Variants in KSR2 observed in about 807,000 individuals in gnomAD.
KSR2 encodes the protein kinase suppressor of ras 2.
A neutral mutation model predicts 107.8 loss-of-function variants in KSR2; 25 were observed. The ratio of observed to expected loss-of-function variants is 0.23; its 90% CI spans 0.17 to 0.32. The LOEUF is 0.32. KSR2 is among the 10% of genes least tolerant of loss of function. The pLI is 1.00. For synonymous variants in KSR2, 480 were observed against 507.0 expected (o/e 0.95, Z 0.71); for missense variants, 887 against 1,268.9 (o/e 0.70, Z 4.57).
intron 1 of KSR2, among the ~76,000 whole-genome samples, chr12:117,905,121 G>T (rs1719592450): frequency 6.6e-6 from 1 of 152,202 alleles, no homozygotes; most frequent in Non-Finnish European, 1.5e-5. Flanking sequence ...GGCGGAGGTT[G>T]CAGTGAGCCA....
At chr12:117,473,923 T>C (rs1235352511) in intron 17 of KSR2, among the ~76,000 whole-genome samples, 1 of 152,198 alleles carries the variant, frequency 6.6e-6, no homozygotes, top group African/African-American at 2.4e-5. Context: ...ACATGGTATC[T>C]GCTTCCAAGG....
rs147672730 is a variant in KSR2, at chr12:117,795,447, C to A, written c.473-33923G>T. 5.2e-3 allele frequency among the ~76,000 whole-genome samples: 785 copies of A among 152,218 alleles called. 6 individuals are homozygous for A. Among genetic ancestry groups the A allele is most frequent in the African/African-American group, 0.017 (726 of 41,524 alleles). ...AACAGACTGGAATGCCAGAAGAGCACAAGATTCAGAGAAATGGCTCAGGAT... is the reference window on the plus strand; with the variant it reads ...AACAGACTGGAATGCCAGAAGAGCAAAAGATTCAGAGAAATGGCTCAGGAT... On this transcript the variant is annotated intron_variant, in intron 3 of 19. Transcript: ENST00000339824.
At chr12:117,731,990 T>A (rs1278214369) in intron 4 of KSR2, among the ~76,000 whole-genome samples, 2 of 149,710 alleles carry the variant, frequency 1.3e-5, no homozygotes, top group Non-Finnish European at 1.5e-5. Context: ...CCTATGACCC[T>A]GCCAAATCCC....
At chr12:117,664,964 A>G (rs928425001) in intron 5 of KSR2, among the ~76,000 whole-genome samples, 8 of 152,008 alleles carry the variant, frequency 5.3e-5, no homozygotes, top group Middle Eastern at 3.2e-3. Flanking sequence ...TCGTTTCCCA[A>G]ACGAACCTGC....
chr12:117,600,422 C>G (rs7135656), intron 5 of KSR2, among the ~76,000 whole-genome samples: 1,845 of 152,276 alleles, frequency 0.012, 37 homozygotes, highest in African/African-American at 0.043. Flanking sequence ...CCCCCATTTT[C>G]CACAGAGTTT....
At chr12:117,890,377 G>A (rs768016584) in intron 1 of KSR2, among the ~76,000 whole-genome samples, 15 of 152,188 alleles carry the variant, frequency 9.9e-5, no homozygotes, top group East Asian at 5.8e-4. Flanking sequence ...TGTCCACAGA[G>A]CACCAGATAG....
At chr12:117,865,045 GA>G (rs1893426133) in intron 1 of KSR2, among the ~76,000 whole-genome samples, 2 of 151,694 alleles carry the variant, frequency 1.3e-5, no homozygotes, top group Admixed American at 1.3e-4. Flanking sequence ...CTGGGTGACA[GA>G]ACGAGACTCC....
At chr12:117,546,781 A>G (rs7300668) in intron 9 of KSR2, among the ~76,000 whole-genome samples, 128 of 152,180 alleles carry the variant, frequency 8.4e-4, no homozygotes, top group African/African-American at 3.0e-3. Context: ...TTATCTGGTT[A>G]TTGTATTTTC....
At chr12:117,956,567 C>T (rs565583688) in intron 1 of KSR2, among the ~76,000 whole-genome samples, 77 of 151,996 alleles carry the variant, frequency 5.1e-4, no homozygotes, top group Non-Finnish European at 7.6e-4. Flanking sequence ...GACTTTGTCT[C>T]GCTAAAAAAT....
chr12:117,610,296 C>T (rs570840406), intron 5 of KSR2, among the ~76,000 whole-genome samples: 2 of 152,066 alleles, frequency 1.3e-5, no homozygotes. Flanking sequence ...CACGGATGCT[C>T]GCAAAGCTCT....
At chr12:117,793,092 ATGCACACTCACACCAACG>A (rs1392049275) in intron 3 of KSR2, among the ~76,000 whole-genome samples, 4 of 145,530 alleles carry the variant, frequency 2.7e-5, no homozygotes, top group Non-Finnish European at 6.0e-5. Context: ...TCACACCAAC[ATGCACACTCACACCAACG>A]TGCACACAAA....
At chr12:117,739,107 G>A (rs969583791) in intron 4 of KSR2, among the ~76,000 whole-genome samples, 1 of 152,224 alleles carries the variant, frequency 6.6e-6, no homozygotes, top group Non-Finnish European at 1.5e-5. Flanking sequence ...TGTAATCCCA[G>A]CACTTTTGGA....
chr12:117,849,638 A>G (rs778479284), intron 3 of KSR2, among the ~76,000 whole-genome samples: 1 of 152,220 alleles, frequency 6.6e-6, no homozygotes, highest in African/African-American at 2.4e-5. Flanking sequence ...CTAAAACCCA[A>G]GGAGAAAACT....
At chr12:117,952,559 C>T (rs1285976029) in intron 1 of KSR2, among the ~76,000 whole-genome samples, 2 of 151,838 alleles carry the variant, frequency 1.3e-5, no homozygotes, top group African/African-American at 4.8e-5. Flanking sequence ...GCCTGTAATC[C>T]CAGCTACTTG....
intron 14 of KSR2, chr12:117,517,661 G>C (rs979430108): frequency 1.1e-5 from 4 of 359,024 alleles, no homozygotes; most frequent in Non-Finnish European, 2.2e-5. Flanking sequence ...AAAGTCCCAG[G>C]GTGCTTTACA....
chr12:117,584,144 C>T (rs78564684), intron 5 of KSR2, among the ~76,000 whole-genome samples: 1 of 152,112 alleles, frequency 6.6e-6, no homozygotes, highest in Non-Finnish European at 1.5e-5. Flanking sequence ...AAGAGGGAGA[C>T]AGCATGATTT....
chr12:117,767,255 TC>T lies in KSR2; in HGVS notation c.473-5732del, dbSNP rs1371735232. 3.3e-3 allele frequency among the ~76,000 whole-genome samples: 166 copies of T among 50,456 alleles called. 1 individual carries two copies. The highest frequency in any genetic ancestry group is 0.02 in the African/African-American group (162 of 8,024). The allele number at this position is 50,456 out of a possible 152,430, so 33.1% of individuals were successfully genotyped here. On this transcript the variant is annotated intron_variant, in intron 3 of 19. Coordinates refer to ENST00000339824, the MANE Select transcript of KSR2 (RefSeq NM_173598.6). ...AGTGAAACCCCGTCTCTACTAAAAA[TC>T]CAAAAAAAAAAAAAAAAAAATAGCC...
At chr12:117,503,200 T>G (rs1490707197) in intron 14 of KSR2, among the ~76,000 whole-genome samples, 1 of 152,174 alleles carries the variant, frequency 6.6e-6, no homozygotes, top group Admixed American at 6.5e-5. Flanking sequence ...TCTTTACCTA[T>G]GAGCTTTTGG....
At chr12:117,635,651 T>C (rs939330541) in intron 5 of KSR2, among the ~76,000 whole-genome samples, 1 of 152,222 alleles carries the variant, frequency 6.6e-6, no homozygotes, top group Admixed American at 6.5e-5. Context: ...GGTTTACATT[T>C]TGGAATACTT....
Sources: allele counts gnomAD v4.1 joint callset (sites outside exome capture counted in the v4.1 genomes callset), GRCh38; gene constraint gnomAD v4.1.1; transcripts MANE v1.5; gene names NCBI Gene and HGNC (gene_info 2026-07-23, HGNC 2026-07-21).